The following MYLK variants were observed in gnomAD, a reference collection of about 807,000 sequenced individuals.
The protein encoded by MYLK is myosin light chain kinase, smooth muscle.
MYLK carries 106 observed loss-of-function variants against 203.4 expected under a neutral mutation model. The ratio of observed to expected loss-of-function variants is 0.52; its 90% CI spans 0.45 to 0.61. MYLK has a LOEUF of 0.61. MYLK is among the 20% of genes least tolerant of loss of function. MYLK has a pLI of 0.00. For missense variants in MYLK, 2,072 were observed against 2,442.3 expected (o/e 0.85, Z 3.20); for synonymous variants, 867 against 959.5 (o/e 0.90, Z 1.78).
chr3:123,735,574 C>T (rs1297155884), intron 8 of MYLK, 158 bp from the exon 9 acceptor site: 1 of 756,154 alleles, frequency 1.3e-6, no homozygotes, highest in Non-Finnish European at 2.3e-6. Flanking sequence ...TCCCCCCAGC[C>T]CTAGAGTACA....
intron 3 of MYLK, among the ~76,000 whole-genome samples, chr3:123,808,730 C>G (rs756441159): frequency 6.6e-6 from 1 of 152,100 alleles, no homozygotes; most frequent in Non-Finnish European, 1.5e-5. Context: ...TACAAACAAC[C>G]CATTTATTGA....
intron 4 of MYLK, among the ~76,000 whole-genome samples, chr3:123,767,162 C>T (rs554228687): frequency 6.6e-5 from 10 of 152,228 alleles, no homozygotes; most frequent in Admixed American, 1.3e-4. Context: ...GAAGAATTGG[C>T]GGGGGCTGGG....
In MYLK at chr3:123,640,652, C is replaced by T. The variant is rs144877417; in HGVS notation, c.4620-148G>A. 5.8e-3 allele frequency: 4,803 copies of T among 825,338 alleles called. 23 individuals are homozygous for T. Among genetic ancestry groups the T allele is most frequent in the Non-Finnish European group, 7.9e-3 (3,900 of 496,708 alleles). The allele number at this position is 825,338 out of a possible 1,614,324, so 51.1% of individuals were successfully genotyped here. On this transcript the variant is annotated intron_variant, in intron 27 of 33. Transcript: ENST00000360304. This position sits in a 1 kb window ranked among gnomAD's most constrained non-coding sequence, Gnocchi z 4.3. ...GATGGGCAATTCCTGAATCCCCACC[C>T]TCCGACATGGGAGAAGGGTCAGGGC...
At chr3:123,855,596 G>A (rs774349862) in intron 2 of MYLK, among the ~76,000 whole-genome samples, 80 of 151,928 alleles carry the variant, frequency 5.3e-4, no homozygotes, top group Admixed American at 1.6e-3. Context: ...TTATGATTGT[G>A]CTACTCTGCT....
At chr3:123,669,125 A>G (rs981619382) in intron 20 of MYLK, among the ~76,000 whole-genome samples, 5 of 152,244 alleles carry the variant, frequency 3.3e-5, no homozygotes, top group Admixed American at 6.5e-5. Flanking sequence ...TGAATGCCCC[A>G]GGAGGACTGC....
chr3:123,641,605 C>T (rs548472996), intron 27 of MYLK, among the ~76,000 whole-genome samples: 19 of 151,906 alleles, frequency 1.3e-4, no homozygotes, highest in African/African-American at 4.6e-4. Flanking sequence ...CTCCTGGTCT[C>T]CAGCGATTAT....
chr3:123,630,595 T>TTAAATGCTATACTA (rs2058372135), intron 29 of MYLK: 1 of 152,228 alleles, frequency 6.6e-6, no homozygotes, highest in Non-Finnish European at 1.5e-5. Context: ...GCCTGTCCTC[T>TTAAATGCTATACTA]TAAATGCTAT....
intron 11 of MYLK, among the ~76,000 whole-genome samples, chr3:123,726,526 C>T (rs2062292765): frequency 6.6e-6 from 1 of 152,168 alleles, no homozygotes; most frequent in Non-Finnish European, 1.5e-5. Flanking sequence ...GTATAAGCCA[C>T]AGGCTCACAG....
chr3:123,727,371 C>CA (rs969288120), intron 11 of MYLK, among the ~76,000 whole-genome samples: 4 of 151,938 alleles, frequency 2.6e-5, no homozygotes, highest in Non-Finnish European at 5.9e-5. Flanking sequence ...TGGGAGTTAT[C>CA]AAAAAAGGAT....
chr3:123,859,287 C>T (rs1415067957), intron 2 of MYLK, among the ~76,000 whole-genome samples: 2 of 152,226 alleles, frequency 1.3e-5, no homozygotes, highest in African/African-American at 2.4e-5. Context: ...CATTTGTAAA[C>T]CCAGTTGGGT....
intron 4 of MYLK, among the ~76,000 whole-genome samples, chr3:123,759,019 C>A (rs891106143): frequency 1.3e-5 from 2 of 152,112 alleles, no homozygotes; most frequent in African/African-American, 4.8e-5. Context: ...GAAATGGGGT[C>A]TTTCCATGTT....
At chr3:123,682,404 T>G in intron 19 of MYLK, 94 bp from the exon 20 acceptor site, 1 of 1,009,550 alleles carries the variant, frequency 9.9e-7, no homozygotes, top group Non-Finnish European at 1.5e-6. Context: ...GCCAAACTCC[T>G]CCCCAACTCT....
intron 4 of MYLK, among the ~76,000 whole-genome samples, chr3:123,775,057 G>T (rs1039771284): frequency 6.6e-6 from 1 of 151,928 alleles, no homozygotes; most frequent in Non-Finnish European, 1.5e-5. Flanking sequence ...TTAGAGATGG[G>T]GTTTTGCTCT....
At chr3:123,791,718 A>G (rs1381298461) in intron 4 of MYLK, among the ~76,000 whole-genome samples, 2 of 152,258 alleles carry the variant, frequency 1.3e-5, no homozygotes, top group African/African-American at 4.8e-5. Flanking sequence ...TACAAGGTCA[A>G]CTATTTCATC....
At chr3:123,677,707 A>C (rs1423053893) in intron 20 of MYLK, among the ~76,000 whole-genome samples, 1 of 151,778 alleles carries the variant, frequency 6.6e-6, no homozygotes, top group Admixed American at 6.6e-5. Flanking sequence ...GTAGACTATG[A>C]ATCAATTAGA....
chr3:123,712,373 C>T (rs1312223611), intron 13 of MYLK, among the ~76,000 whole-genome samples: 1 of 152,236 alleles, frequency 6.6e-6, no homozygotes, highest in Non-Finnish European at 1.5e-5. Flanking sequence ...CTGTTCCTGC[C>T]TCTCTGCAAT....
At chr3:123,797,395 G>T (rs1383045566) in intron 3 of MYLK, among the ~76,000 whole-genome samples, 3 of 152,080 alleles carry the variant, frequency 2.0e-5, no homozygotes, top group Admixed American at 2.0e-4. Flanking sequence ...TTGGTATACA[G>T]CAGCAGTTAC....
chr3:123,754,997 T>C (rs966035027), intron 4 of MYLK, among the ~76,000 whole-genome samples: 5 of 152,186 alleles, frequency 3.3e-5, no homozygotes, highest in African/African-American at 9.7e-5. Context: ...CATGGGAACA[T>C]CAGACAACAA....
intron 4 of MYLK, among the ~76,000 whole-genome samples, chr3:123,788,631 G>C (rs2064644918): frequency 6.8e-6 from 1 of 148,116 alleles, no homozygotes; most frequent in Admixed American, 6.9e-5. Flanking sequence ...GTGGCTGACT[G>C]CTTCTGAGCT....
Sources: gnomAD v4.1 joint callset for allele counts (sites outside exome capture counted in the v4.1 genomes callset) on GRCh38, gnomAD v4.1.1 for gene constraint, Gnocchi (gnomAD v3.1) non-coding constraint, MANE v1.5 for transcripts, NCBI Gene and HGNC (gene_info 2026-07-23, HGNC 2026-07-21) for gene names.